Variants in ALG14 observed in about 807,000 individuals in gnomAD.
ALG14 encodes ALG14 UDP-N-acetylglucosaminyltransferase subunit.
A neutral mutation model predicts 22.8 loss-of-function variants in ALG14; 17 were observed. The observed-to-expected ratio is 0.75, with a 90% CI of 0.51 to 1.12. The LOEUF (loss-of-function observed/expected upper bound fraction) is 1.12. Ranked by LOEUF, ALG14 falls within the 50% of genes most tolerant of loss-of-function variation. The pLI, the probability that ALG14 is intolerant of heterozygous loss-of-function variation, is 0.00. For missense variants in ALG14, 288 were observed against 271.8 expected, an observed-to-expected ratio of 1.06 and a Z score of -0.42; for synonymous variants, 89 against 103.7, an observed-to-expected ratio of 0.86 and a Z score of 0.86.
rs1674430858 is a variant in ALG14 at position 95,042,996 on chromosome 1, T to C, written c.289-15736A>G. The stretch of plus-strand genomic sequence containing the variant: ...CTTTTTCTTGAGTTCTTCAATGTGA[T>C]CTTCCAATCTTTCATTGAATTTTTA... On this transcript the variant is annotated intron_variant, in intron 2 of 3. Coordinates refer to ENST00000370205, the MANE Select transcript of ALG14 (RefSeq NM_144988.4). Among the ~76,000 whole-genome samples, 3 of 152,212 alleles carry C rather than the reference T, an allele frequency of 2.0e-5. No homozygotes were observed. In the South Asian group the frequency reaches 6.2e-4, roughly 31 times the overall value.
chr1:95,004,965 C>T lies in ALG14; in HGVS notation c.421-21659G>A, dbSNP rs71652600. The stretch of plus-strand genomic sequence containing the variant: ...GGATTACAGGTGCATGCCACCATGC[C>T]TGGCTAATTTTTGTAATTTTAGTGG... On this transcript the variant is annotated intron_variant, in intron 3 of 3. Transcript: ENST00000370205. 5.5e-4 allele frequency among the ~76,000 whole-genome samples: 83 copies of T among 152,200 alleles called. 1 individual carries two copies. The highest frequency in any genetic ancestry group is 8.7e-4 in the Non-Finnish European group (59 of 68,022).
chr1:95,029,553 A>G (rs1004211508), intron 2 of ALG14, among the ~76,000 whole-genome samples: 1 of 152,226 alleles, frequency 6.6e-6, no homozygotes, highest in African/African-American at 2.4e-5. Flanking sequence ...AGAACAGAAT[A>G]ATTAATACAT....
chr1:95,033,402 CATATATATAT>C (rs752147406), intron 2 of ALG14, among the ~76,000 whole-genome samples: 1 of 138,710 alleles, frequency 7.2e-6, no homozygotes, highest in African/African-American at 2.7e-5. Flanking sequence ...TACATACATA[CATATATATAT>C]ATATATATAC....
chr1:95,059,298 G>A (rs1675049797), intron 2 of ALG14, among the ~76,000 whole-genome samples: 1 of 150,506 alleles, frequency 6.6e-6, no homozygotes, highest in Non-Finnish European at 1.5e-5. Context: ...TAGGGGGGCT[G>A]AGGCAGGAGA....
chr1:95,026,134 G>T (rs1005466636), intron 3 of ALG14, among the ~76,000 whole-genome samples: 6 of 152,096 alleles, frequency 3.9e-5, no homozygotes, highest in South Asian at 4.1e-4. Context: ...GGGTTTCATT[G>T]TGTTAGCCAG....
chr1:95,033,432 C>CACACACAT (rs1182355384), intron 2 of ALG14, among the ~76,000 whole-genome samples: 1 of 150,586 alleles, frequency 6.6e-6, no homozygotes, highest in African/African-American at 2.5e-5. Context: ...CACACACACA[C>CACACACAT]ACACACACAC....
chr1:95,068,286 A>T (rs573466235), intron 1 of ALG14, among the ~76,000 whole-genome samples: 1 of 152,306 alleles, frequency 6.6e-6, no homozygotes, highest in Admixed American at 6.5e-5. Context: ...TTCTCTGAAC[A>T]GAAGTGATCT....
Position 94,982,533 on chromosome 1 carries a change from G to A in ALG14, c.*543C>T, listed in dbSNP as rs1324022799. 6.5e-6 allele frequency: 1 copy of A among 153,338 alleles called. No homozygotes were observed. Among genetic ancestry groups the A allele is most frequent in the Non-Finnish European group, 1.4e-5 (1 of 69,094 alleles). The allele number at this position is 153,338 out of a possible 1,614,324, so 9.5% of individuals were successfully genotyped here. A position where few individuals can be genotyped will look rare whatever the true frequency, so the allele number is the denominator to read the frequency against. Reference sequence around the variant, plus strand: ...TATGCTCAAGGTTCTGGAGGCTTGTGGAGTGCAAATTGTCATGAAGCCAAT... The same window carrying A: ...TATGCTCAAGGTTCTGGAGGCTTGTAGAGTGCAAATTGTCATGAAGCCAAT... On this transcript the variant is annotated 3_prime_UTR_variant, in exon 4 of 4. Transcript: ENST00000370205.
chr1:95,013,670 C>T (rs2100752617), intron 3 of ALG14, among the ~76,000 whole-genome samples: 1 of 152,208 alleles, frequency 6.6e-6, no homozygotes, highest in East Asian at 1.9e-4. Flanking sequence ...TGGATATCTA[C>T]AATGTTTTGC....
At chr1:95,017,148 A>G (rs1271322413) in intron 3 of ALG14, among the ~76,000 whole-genome samples, 1 of 152,124 alleles carries the variant, frequency 6.6e-6, no homozygotes, top group East Asian at 1.9e-4. Flanking sequence ...GGCCCTGATG[A>G]GTGCTGGTCT....
At chr1:95,054,681 A>G (rs979376276) in intron 2 of ALG14, among the ~76,000 whole-genome samples, 4 of 152,218 alleles carry the variant, frequency 2.6e-5, no homozygotes, top group African/African-American at 9.6e-5. Flanking sequence ...GAGTCCTATA[A>G]CCATTACAAA....
At chr1:95,040,949 A>C (rs2100796560) in intron 2 of ALG14, among the ~76,000 whole-genome samples, 2 of 152,330 alleles carry the variant, frequency 1.3e-5, no homozygotes, top group South Asian at 4.1e-4. Context: ...GATTTAAAGA[A>C]AGTTTAACCT....
At chr1:95,021,751 C>G (rs1673669962) in intron 3 of ALG14, among the ~76,000 whole-genome samples, 1 of 152,168 alleles carries the variant, frequency 6.6e-6, no homozygotes, top group South Asian at 2.1e-4. Context: ...TCCCATTACC[C>G]TCATCTATAA....
At chr1:95,044,914 C>A (rs1239325717) in intron 2 of ALG14, among the ~76,000 whole-genome samples, 1 of 152,024 alleles carries the variant, frequency 6.6e-6, no homozygotes, top group Non-Finnish European at 1.5e-5. Context: ...ACACCTACTG[C>A]ATTATAAATT....
At chr1:95,022,022 T>C (rs1031334084) in intron 3 of ALG14, among the ~76,000 whole-genome samples, 1 of 152,158 alleles carries the variant, frequency 6.6e-6, no homozygotes, top group Non-Finnish European at 1.5e-5. Flanking sequence ...TCAAGAGTGA[T>C]GCAGGCAAAG....
chr1:95,021,502 C>T (rs1009107040), intron 3 of ALG14, among the ~76,000 whole-genome samples: 1 of 152,186 alleles, frequency 6.6e-6, no homozygotes, highest in Non-Finnish European at 1.5e-5. Flanking sequence ...TCTGTGCCCC[C>T]TTCTTTTATT....
chr1:95,032,344 T>A (rs1333106696), intron 2 of ALG14, among the ~76,000 whole-genome samples: 1 of 152,150 alleles, frequency 6.6e-6, no homozygotes, highest in African/African-American at 2.4e-5. Flanking sequence ...AGGGCCACTC[T>A]TTAAATGGGT....
intron 2 of ALG14, among the ~76,000 whole-genome samples, chr1:95,040,123 G>A (rs916573070): frequency 4.6e-5 from 7 of 151,960 alleles, no homozygotes; most frequent in Admixed American, 3.3e-4. Context: ...AGTGAGCCAA[G>A]ATTGAACCAC....
chr1:95,067,814 T>C (rs1675426582), intron 1 of ALG14, among the ~76,000 whole-genome samples: 1 of 152,148 alleles, frequency 6.6e-6, no homozygotes, highest in African/African-American at 2.4e-5. Context: ...CTGCTCAAAA[T>C]CCTCCAGTGG....
Sources: gnomAD v4.1 joint callset for allele counts (sites outside exome capture counted in the v4.1 genomes callset) on GRCh38, gnomAD v4.1.1 for gene constraint, MANE v1.5 for transcripts, NCBI Gene and HGNC (gene_info 2026-07-23, HGNC 2026-07-21) for gene names.